The following PPHLN1 variants were observed in gnomAD, a reference collection of about 807,000 sequenced individuals.
PPHLN1 encodes periphilin 1.
PPHLN1 carries 29 observed loss-of-function variants against 51.3 expected under a neutral mutation model. The observed-to-expected ratio is 0.57, with a 90% CI of 0.42 to 0.77. The LOEUF is 0.77. Ranked by LOEUF, PPHLN1 falls within the 30% of genes least tolerant of loss-of-function variation. The pLI is 0.00. For missense variants in PPHLN1, 436 were observed against 438.4 expected (o/e 0.99, Z 0.05); for synonymous variants, 147 against 147.8 (o/e 0.99, Z 0.04).
chr12:42,428,745 C>T (rs897526838), intron 9 of PPHLN1, among the ~76,000 whole-genome samples: 1 of 151,744 alleles, frequency 6.6e-6, no homozygotes, highest in Non-Finnish European at 1.5e-5. Context: ...TGTAACCAAA[C>T]ATCACCTGTT....
At chr12:42,445,117 A>G, downstream of PPHLN1, 1 of 702,358 alleles carries the variant, frequency 1.4e-6, no homozygotes, top group East Asian at 2.7e-5. Context: ...TGACTTCAGT[A>G]ATTGCTAAAT....
intron 4 of PPHLN1, among the ~76,000 whole-genome samples, chr12:42,365,706 C>T (rs1429772436): frequency 1.3e-5 from 2 of 152,154 alleles, no homozygotes; most frequent in African/African-American, 2.4e-5. Context: ...GATGACTTTG[C>T]GTCTTTTATA....
At chr12:42,337,444 C>T (rs1271220217) in intron 2 of PPHLN1, among the ~76,000 whole-genome samples, 1 of 151,404 alleles carries the variant, frequency 6.6e-6, no homozygotes, top group Non-Finnish European at 1.5e-5. Flanking sequence ...TACAGGTGCC[C>T]ACCACCACAC....
intron 9 of PPHLN1, among the ~76,000 whole-genome samples, chr12:42,430,314 G>A (rs2081926853): frequency 6.6e-6 from 1 of 151,750 alleles, no homozygotes; most frequent in African/African-American, 2.4e-5. Flanking sequence ...GTTGATACTT[G>A]AACAACTCAG....
intron 9 of PPHLN1, chr12:42,431,734 C>G: frequency 9.5e-7 from 1 of 1,056,306 alleles, no homozygotes. Flanking sequence ...ATCTTTTCTT[C>G]TCCTGGAGTA....
At chr12:42,381,727 T>C (rs148582226) in intron 5 of PPHLN1, among the ~76,000 whole-genome samples, 177 of 152,268 alleles carry the variant, frequency 1.2e-3, no homozygotes, top group African/African-American at 4.1e-3. Flanking sequence ...TAACCAGAAG[T>C]CCCAAATTCC....
chr12:42,445,342 G>T (rs1359462565), downstream of PPHLN1: 4 of 532,174 alleles, frequency 7.5e-6, no homozygotes, highest in East Asian at 1.4e-4. Context: ...ATCCTGCAAT[G>T]CCCAGATTGC....
At chr12:42,406,287 A>T (rs2079299980) in intron 9 of PPHLN1, among the ~76,000 whole-genome samples, 1 of 151,754 alleles carries the variant, frequency 6.6e-6, no homozygotes, top group South Asian at 2.1e-4. Context: ...GTTTCCCGTT[A>T]GCTAGGACGG....
intron 2 of PPHLN1, among the ~76,000 whole-genome samples, chr12:42,349,935 G>A (rs1037372340): frequency 6.6e-6 from 1 of 152,118 alleles, no homozygotes; most frequent in Non-Finnish European, 1.5e-5. Context: ...CCTCCCAGAC[G>A]GGGTGGTGGC....
chr12:42,395,965 A>G (rs2078162501), intron 8 of PPHLN1, among the ~76,000 whole-genome samples: 1 of 152,200 alleles, frequency 6.6e-6, no homozygotes, highest in East Asian at 1.9e-4. Flanking sequence ...TTAAATATTC[A>G]GGCATGTTGT....
intron 9 of PPHLN1, among the ~76,000 whole-genome samples, chr12:42,404,553 A>AACAACAACAACAACAAC (rs1476690035): frequency 9.1e-6 from 1 of 109,450 alleles, no homozygotes; most frequent in African/African-American, 4.2e-5. Flanking sequence ...ACAACAACAA[A>AACAACAACAACAACAAC]AATATTTCAT....
At chr12:42,396,220 AAG>A (rs1268705563) in intron 8 of PPHLN1, among the ~76,000 whole-genome samples, 1 of 152,228 alleles carries the variant, frequency 6.6e-6, no homozygotes, top group African/African-American at 2.4e-5. Context: ...AGGATAATAA[AAG>A]AGTTTGCATA....
intron 4 of PPHLN1, among the ~76,000 whole-genome samples, chr12:42,367,499 C>CT: frequency 6.6e-6 from 1 of 151,870 alleles, no homozygotes; most frequent in African/African-American, 2.4e-5. Flanking sequence ...AAACAAAACC[C>CT]TTTCCTAGAT....
Position 42,351,860 on chromosome 12 carries a change from ATATAT to A in PPHLN1, c.73-23_73-19del, listed in dbSNP as rs1159331538. 4 of 1,529,446 alleles carry A rather than the reference ATATAT, an allele frequency of 2.6e-6. No homozygotes were observed. The highest frequency in any genetic ancestry group is 3.5e-6 in the Non-Finnish European group (4 of 1,147,730). 94.7% of individuals were successfully genotyped at this position (1,529,446 alleles called of 1,614,324 possible). A position where few individuals can be genotyped will look rare whatever the true frequency, so the allele number is the denominator to read the frequency against. On this transcript the variant is annotated intron_variant, in intron 2 of 9. Coordinates refer to ENST00000358314, the MANE Select transcript of PPHLN1 (RefSeq NM_201439.2). ...CCAAATAGAGAAATTAGTCATTTGTATATATTTCTTTTTGTCTGTTTTAGGATGGC... is the reference window on the plus strand; with the variant it reads ...CCAAATAGAGAAATTAGTCATTTGTATTCTTTTTGTCTGTTTTAGGATGGC...
At chr12:42,437,453 C>T (rs938997798) in intron 9 of PPHLN1, among the ~76,000 whole-genome samples, 2 of 152,194 alleles carry the variant, frequency 1.3e-5, no homozygotes, top group South Asian at 2.1e-4. Flanking sequence ...TACTGAAACT[C>T]GGGCACAAAA....
intron 3 of PPHLN1, 95 bp from the exon 4 acceptor site, chr12:42,355,066 G>A (rs2073875084): frequency 1.8e-6 from 2 of 1,131,804 alleles, no homozygotes. Context: ...TGAAGTTTAG[G>A]GAAATTCGGT....
chr12:42,444,887 A>C, downstream of PPHLN1: 1 of 580,758 alleles, frequency 1.7e-6, no homozygotes, highest in Non-Finnish European at 3.0e-6. Context: ...AAAATGGAAA[A>C]GCGGCTATCT....
At chr12:42,346,411 T>A (rs982729112) in intron 2 of PPHLN1, among the ~76,000 whole-genome samples, 1 of 152,200 alleles carries the variant, frequency 6.6e-6, no homozygotes, top group Non-Finnish European at 1.5e-5. Context: ...TAAATAGCAG[T>A]ATCTCCCTCT....
intron 8 of PPHLN1, among the ~76,000 whole-genome samples, chr12:42,397,314 T>A (rs747529046): frequency 2.5e-4 from 38 of 152,228 alleles, no homozygotes; most frequent in Non-Finnish European, 4.8e-4. Flanking sequence ...TATATTTCAT[T>A]GATGACCTTA....
Sources: gnomAD v4.1 joint callset for allele counts (sites outside exome capture counted in the v4.1 genomes callset) on GRCh38, gnomAD v4.1.1 for gene constraint, MANE v1.5 for transcripts, NCBI Gene and HGNC (gene_info 2026-07-23, HGNC 2026-07-21) for gene names.